ZBBX: variants seen among roughly 807,000 people sequenced by gnomAD.
The protein encoded by ZBBX is zinc finger B-box domain containing.
Under a neutral mutation model 108.5 loss-of-function variants are expected in ZBBX, and 101 were observed. That is an observed-to-expected ratio of 0.93 (90% CI 0.79 to 1.10). The LOEUF is 1.10. Ranked by LOEUF, ZBBX falls within the 50% of genes least tolerant of loss-of-function variation. ZBBX has a pLI of 0.00. For synonymous variants in ZBBX, 356 were observed against 323.4 expected, an observed-to-expected ratio of 1.10 and a Z score of -1.08; for missense variants, 1,009 against 941.4, an observed-to-expected ratio of 1.07 and a Z score of -0.94.
intron 8 of ZBBX, among the ~76,000 whole-genome samples, chr3:167,359,184 G>T (rs545310404): frequency 1.3e-5 from 2 of 152,104 alleles, no homozygotes; most frequent in East Asian, 3.9e-4. Flanking sequence ...TGGAGCAAAA[G>T]AAGCCAAAAG....
At chr3:167,306,087 AGTGTTAAAATATTTT>A (rs1243352545) in intron 16 of ZBBX, 137 bp from the exon 17 acceptor site, 2 of 635,194 alleles carry the variant, frequency 3.1e-6, no homozygotes. Context: ...CTGATGTTTT[AGTGTTAAAATATTTT>A]TACTATGCTT....
chr3:167,358,297 A>G (rs369389209), intron 8 of ZBBX, among the ~76,000 whole-genome samples: 2 of 152,150 alleles, frequency 1.3e-5, no homozygotes, highest in East Asian at 3.9e-4. Flanking sequence ...CAAATAGTGT[A>G]TGATTTTACT....
chr3:167,375,913 A>T (rs1746885192), intron 2 of ZBBX, among the ~76,000 whole-genome samples: 1 of 152,150 alleles, frequency 6.6e-6, no homozygotes, highest in South Asian at 2.1e-4. Context: ...TCAATCCACA[A>T]ACATGTATTT....
intron 10 of ZBBX, among the ~76,000 whole-genome samples, chr3:167,328,866 C>A (rs944818980): frequency 2.2e-4 from 33 of 152,320 alleles, no homozygotes; most frequent in Admixed American, 4.6e-4. Context: ...CCCCCTTTCC[C>A]CCATTTAATA....
intron 10 of ZBBX, among the ~76,000 whole-genome samples, chr3:167,332,913 A>G (rs1738893334): frequency 6.6e-6 from 1 of 152,122 alleles, no homozygotes; most frequent in South Asian, 2.1e-4. Flanking sequence ...GAAAAGACAA[A>G]AGGAGATAAT....
chr3:167,331,923 T>C (rs1165591028), intron 10 of ZBBX, among the ~76,000 whole-genome samples: 1 of 152,184 alleles, frequency 6.6e-6, no homozygotes, highest in African/African-American at 2.4e-5. Flanking sequence ...TCGTGAACTG[T>C]ACCTCTTTCC....
chr3:167,203,609 G>A, the ZBBX span, among the ~76,000 whole-genome samples: 1 of 151,988 alleles, frequency 6.6e-6, no homozygotes, highest in Non-Finnish European at 1.5e-5. Context: ...TATTTAAAAA[G>A]AAATGAATAA....
chr3:167,398,272 A>G (rs1455201638), intron 1 of ZBBX, among the ~76,000 whole-genome samples: 1 of 152,094 alleles, frequency 6.6e-6, no homozygotes, highest in Non-Finnish European at 1.5e-5. Flanking sequence ...CACAGCAAAA[A>G]AAGATAACTT....
chr3:167,281,335 G>A (rs1360801090), intron 20 of ZBBX, among the ~76,000 whole-genome samples: 1 of 152,088 alleles, frequency 6.6e-6, no homozygotes, highest in Non-Finnish European at 1.5e-5. Flanking sequence ...AGAATTTGTG[G>A]TGGGTTTTTA....
Position 167,372,862 on chromosome 3 carries a change from G to T in ZBBX, c.40C>A (p.Pro14Thr), listed in dbSNP as rs10936535. ...KDFVVLPWGK[P>T]GNSVKLKYRN... ...TATTTTAGCTTTACAGAATTTCCAG[G>T]TTTTCCCCATGGAAGAACTACAAAA... Residue 14 changes from proline to threonine, a missense_variant, in exon 4 of 22, where the codon CCT (proline) becomes ACT (threonine). Pro to Thr is a conservative substitution (Grantham distance 38, BLOSUM62 -1). Transcript: ENST00000675490. 5.8e-4 allele frequency: 918 copies of T among 1,595,618 alleles called. 5 individuals carry two copies. In the African/African-American group the frequency reaches 0.011, roughly 19 times the overall value.
chr3:167,180,673 C>G, the ZBBX span, among the ~76,000 whole-genome samples: 1 of 152,198 alleles, frequency 6.6e-6, no homozygotes, highest in Admixed American at 6.5e-5. Context: ...GTTTAACTTG[C>G]CTTGTGGCAA....
In ZBBX at chr3:167,251,933, C is replaced by CACACACAT. The variant is rs1254424869; in HGVS notation, c.2255-9291_2255-9290insATGTGTGT. Among the ~76,000 whole-genome samples, 418 of 150,276 alleles carry CACACACAT rather than the reference C, an allele frequency of 2.8e-3. 2 individuals are homozygous for CACACACAT. The highest frequency in any genetic ancestry group is 1.0e-2 in the African/African-American group (399 of 40,072). On this transcript the variant is annotated intron_variant, in intron 20 of 21. Coordinates refer to ENST00000675490, the MANE Select transcript of ZBBX (RefSeq NM_001199201.2). ...CATGATGTTGTGCCTGCAACACACACACACACACACACACACACACACACA... is the reference window on the plus strand; with the variant it reads ...CATGATGTTGTGCCTGCAACACACACACACACATACACACACACACACACACACACACA...
chr3:167,371,821 C>T (rs1319118607), intron 4 of ZBBX, among the ~76,000 whole-genome samples: 1 of 152,052 alleles, frequency 6.6e-6, no homozygotes, highest in Non-Finnish European at 1.5e-5. Context: ...TTTTATACCC[C>T]ATATCTCAAA....
At chr3:167,353,807 G>A (rs1743066164) in intron 8 of ZBBX, among the ~76,000 whole-genome samples, 1 of 151,936 alleles carries the variant, frequency 6.6e-6, no homozygotes, top group Non-Finnish European at 1.5e-5. Flanking sequence ...AATTTGTCCA[G>A]AGTCATACAA....
intron 8 of ZBBX, among the ~76,000 whole-genome samples, 188 bp downstream of exon 8, chr3:167,359,682 A>G (rs1240019866): frequency 2.0e-5 from 3 of 152,166 alleles, no homozygotes; most frequent in African/African-American, 7.2e-5. Context: ...TTCAGAGAAT[A>G]AGTACAGGTA....
chr3:167,259,767 T>G (rs1268542463), intron 20 of ZBBX, among the ~76,000 whole-genome samples: 1 of 152,192 alleles, frequency 6.6e-6, no homozygotes, highest in Non-Finnish European at 1.5e-5. Context: ...TTAATTTTCA[T>G]GTATTTGTAT....
chr3:167,327,784 C>T (rs575922890), intron 11 of ZBBX, among the ~76,000 whole-genome samples, 158 bp downstream of exon 11: 9 of 151,808 alleles, frequency 5.9e-5, no homozygotes, highest in South Asian at 4.2e-4. Flanking sequence ...CATGGTGGCA[C>T]GCACTTGTAA....
intron 20 of ZBBX, among the ~76,000 whole-genome samples, chr3:167,259,821 A>G (rs779892789): frequency 6.6e-6 from 1 of 152,130 alleles, no homozygotes; most frequent in Non-Finnish European, 1.5e-5. Context: ...GTTTTATTCC[A>G]CTGTGGTCAG....
intron 20 of ZBBX, among the ~76,000 whole-genome samples, chr3:167,275,432 C>T (rs887303321): frequency 9.9e-4 from 151 of 151,908 alleles, no homozygotes; most frequent in Middle Eastern, 3.4e-3. Context: ...GCACTGTGCG[C>T]GAGCCGAAGC....
Sources: allele counts gnomAD v4.1 joint callset (sites outside exome capture counted in the v4.1 genomes callset), GRCh38; gene constraint gnomAD v4.1.1; transcripts MANE v1.5; gene names NCBI Gene and HGNC (gene_info 2026-07-23, HGNC 2026-07-21).